Variants in PITPNA observed in about 807,000 individuals in gnomAD.
PITPNA encodes phosphatidylinositol transfer protein alpha.
In PITPNA, 13 loss-of-function variants were observed where a neutral mutation model predicts 50.3. The observed-to-expected ratio is 0.26, with a 90% CI of 0.17 to 0.41. PITPNA has a LOEUF of 0.41. PITPNA is among the 10% of genes least tolerant of loss of function. The pLI is 1.00. For missense variants in PITPNA, 207 were observed against 333.4 expected, an observed-to-expected ratio of 0.62 and a Z score of 2.95; for synonymous variants, 120 against 119.6, an observed-to-expected ratio of 1.00 and a Z score of -0.02.
At chr17:1,556,121 A>G (rs2075733743) in intron 2 of PITPNA, among the ~76,000 whole-genome samples, 1 of 152,204 alleles carries the variant, frequency 6.6e-6, no homozygotes, top group South Asian at 2.1e-4. Flanking sequence ...GGTTACTGAC[A>G]AAGACTCTGA....
intron 2 of PITPNA, 85 bp from the exon 3 acceptor site, chr17:1,553,234 G>T: frequency 1.4e-6 from 2 of 1,456,466 alleles, no homozygotes; most frequent in Non-Finnish European, 1.9e-6. Flanking sequence ...GTGTCTAACT[G>T]GATCTCCCTG....
At chr17:1,544,712 C>T (rs1020499808) in intron 4 of PITPNA, among the ~76,000 whole-genome samples, 27 of 152,318 alleles carry the variant, frequency 1.8e-4, no homozygotes, top group African/African-American at 6.0e-4. Context: ...CCAAGGCGGG[C>T]GGATCACCTG....
intron 1 of PITPNA, among the ~76,000 whole-genome samples, chr17:1,561,613 T>G (rs2075768660): frequency 6.6e-6 from 1 of 152,050 alleles, no homozygotes; most frequent in Admixed American, 6.6e-5. Context: ...TTTTCTGGCC[T>G]CCTCGCCCAA....
chr17:1,543,371 C>G (rs1485351761), intron 4 of PITPNA, among the ~76,000 whole-genome samples: 1 of 152,136 alleles, frequency 6.6e-6, no homozygotes. Flanking sequence ...CGTTCTCCGG[C>G]GCCTCCCACC....
Position 1,562,085 on chromosome 17 carries a change from A to C in PITPNA, c.20+456T>G, listed in dbSNP as rs1354318205. On this transcript the variant is annotated intron_variant, in intron 1 of 11. Transcript: ENST00000313486. The surrounding 1 kb of genome is among the most constrained non-coding windows in gnomAD (Gnocchi z 6.4). ...GCTCGGCGTCCCCTCGGCCTCCCCC[A>C]GTCCCGGGCCAGCTCTCCCTGCCCT... Among the ~76,000 whole-genome samples, 2 of 151,600 alleles carry C rather than the reference A, an allele frequency of 1.3e-5. No homozygotes were observed. Among genetic ancestry groups the C allele is most frequent in the East Asian group, 2.0e-4 (1 of 5,080 alleles).
At chr17:1,543,048 G>A (rs1387097706) in intron 4 of PITPNA, 21 bp from the exon 5 acceptor site, 1 of 1,571,258 alleles carries the variant, frequency 6.4e-7, no homozygotes, top group Admixed American at 1.7e-5. Context: ...GCAAGGACAT[G>A]GAAAGAAGAG....
chr17:1,536,525 G>A lies in PITPNA; in HGVS notation c.457-1007C>T, dbSNP rs942415410. 2.3e-4 allele frequency among the ~76,000 whole-genome samples: 35 copies of A among 151,640 alleles called. 1 individual carries two copies. The highest frequency in any genetic ancestry group is 5.9e-4 in the Admixed American group (9 of 15,204). On this transcript the variant is annotated intron_variant, in intron 7 of 11. Transcript: ENST00000313486. ...AGGATGGTCTCGATCTCCTGACCTC[G>A]TGATCCGCCCACCTTGGCCTCCCAC... is the stretch of plus-strand genomic sequence containing the variant.
At chr17:1,522,639 C>T (rs1017028316) in intron 10 of PITPNA, among the ~76,000 whole-genome samples, 1 of 152,198 alleles carries the variant, frequency 6.6e-6, no homozygotes, top group African/African-American at 2.4e-5. Context: ...TCCTGAAGTG[C>T]TTGGATTACA....
At chr17:1,560,278 G>C (rs1202698713) in intron 1 of PITPNA, among the ~76,000 whole-genome samples, 2 of 152,140 alleles carry the variant, frequency 1.3e-5, no homozygotes, top group Non-Finnish European at 2.9e-5. Context: ...CAAAGGACAG[G>C]GCCACAGAGG....
intron 4 of PITPNA, among the ~76,000 whole-genome samples, chr17:1,546,084 TGCCC>T: frequency 1.3e-5 from 2 of 152,022 alleles, no homozygotes; most frequent in East Asian, 3.9e-4. Flanking sequence ...TGCACCACCA[TGCCC>T]GGATAACTTT....
chr17:1,530,387 A>C (rs1328671197), intron 10 of PITPNA, among the ~76,000 whole-genome samples: 1 of 152,162 alleles, frequency 6.6e-6, no homozygotes, highest in Non-Finnish European at 1.5e-5. Context: ...CTGCTTTCCT[A>C]CAGGCACATA....
Position 1,519,290 on chromosome 17 carries a change from C to T in PITPNA, c.*1271G>A, listed in dbSNP as rs2075494144. ...AAGGTTTGGGGAATGTCAGGTGACACTACAGCTCTCTCTCATTCTCCCACT... is the reference window on the plus strand; with the variant it reads ...AAGGTTTGGGGAATGTCAGGTGACATTACAGCTCTCTCTCATTCTCCCACT... On this transcript the variant is annotated 3_prime_UTR_variant, in exon 12 of 12. Coordinates refer to ENST00000313486, the MANE Select transcript of PITPNA (RefSeq NM_006224.4). 1 of 152,270 alleles carries T rather than the reference C, an allele frequency of 6.6e-6. No homozygotes were observed. Among genetic ancestry groups the T allele is most frequent in the Non-Finnish European group, 1.5e-5 (1 of 68,052 alleles). The allele number at this position is 152,270 out of a possible 1,614,324, so 9.4% of individuals were successfully genotyped here. A position where few individuals can be genotyped will look rare whatever the true frequency, so the allele number is the denominator to read the frequency against.
In PITPNA at chr17:1,518,923, C is replaced by G. The variant is rs1291186670; in HGVS notation, c.*1638G>C. The G allele has an allele frequency of 6.6e-6, 1 of 152,220 alleles. No individual in the cohort carries two copies. Among genetic ancestry groups the G allele is most frequent in the Non-Finnish European group, 1.5e-5 (1 of 68,046 alleles). 9.4% of individuals were successfully genotyped at this position (152,220 alleles called of 1,614,324 possible). On this transcript the variant is annotated 3_prime_UTR_variant, in exon 12 of 12. Coordinates refer to ENST00000313486, the MANE Select transcript of PITPNA (RefSeq NM_006224.4). ...CCCAGATGCATTACTAAAGACCCCT[C>G]AAGGTGAGGAGACTTACACAGAGGA...
rs1374203654 is a variant in PITPNA at position 1,541,780 on chromosome 17, G to C, written c.298-140C>G. 5.6e-6 allele frequency: 4 copies of C among 718,462 alleles called. No homozygotes were observed. In the Admixed American group the frequency reaches 8.0e-5, roughly 14 times the overall value. 44.5% of individuals were successfully genotyped at this position (718,462 alleles called of 1,614,324 possible). A position where few individuals can be genotyped will look rare whatever the true frequency, so the allele number is the denominator to read the frequency against. The stretch of plus-strand genomic sequence containing the variant: ...TCTGCCTTGTAATAACAGTTAACTT[G>C]ACTGGGAGCCCACGACACACTAGGC... On this transcript the variant is annotated intron_variant, in intron 5 of 11. Coordinates refer to ENST00000313486, the MANE Select transcript of PITPNA (RefSeq NM_006224.4).
intron 6 of PITPNA, among the ~76,000 whole-genome samples, chr17:1,540,745 A>T (rs755831504): frequency 3.3e-5 from 5 of 151,964 alleles, no homozygotes; most frequent in Non-Finnish European, 5.9e-5. Context: ...CCCGCCATGA[A>T]GCCTGGCTGT....
rs1180326015 is a variant in PITPNA, at chr17:1,562,348, C to A, written c.20+193G>T. Among the ~76,000 whole-genome samples the A allele has an allele frequency of 6.6e-6, 1 of 151,354 alleles. No individual in the cohort carries two copies. The highest frequency in any genetic ancestry group is 6.6e-5 in the Admixed American group (1 of 15,212). On this transcript the variant is annotated intron_variant, in intron 1 of 11. Transcript: ENST00000313486. The surrounding 1 kb of genome is among the most constrained non-coding windows in gnomAD (Gnocchi z 6.4). Reference sequence around the variant, plus strand: ...CCCCTCCACGCCCCGGCCGCCCCTCCGTGCCCCGTGGGCCCCGCCTCACGT... The same window carrying A: ...CCCCTCCACGCCCCGGCCGCCCCTCAGTGCCCCGTGGGCCCCGCCTCACGT...
intron 4 of PITPNA, among the ~76,000 whole-genome samples, chr17:1,545,362 G>C (rs1332670579): frequency 6.6e-6 from 1 of 152,232 alleles, no homozygotes; most frequent in African/African-American, 2.4e-5. Context: ...GCCAAGCTAA[G>C]ATGTCTGAAC....
chr17:1,545,707 GA>G (rs1318052591), intron 4 of PITPNA, among the ~76,000 whole-genome samples: 2 of 152,092 alleles, frequency 1.3e-5, no homozygotes, highest in Non-Finnish European at 1.5e-5. Context: ...TTAACGTGCA[GA>G]AAAATGCCCA....
chr17:1,562,483 C>A lies in PITPNA; in HGVS notation c.20+58G>T. Reference sequence around the variant, plus strand: ...CTGCGTCCCTCGCCGCGCCGTCGCCCCGGCGGCCGTCCCCACCCTCCCTCC... The same window carrying A: ...CTGCGTCCCTCGCCGCGCCGTCGCCACGGCGGCCGTCCCCACCCTCCCTCC... On this transcript the variant is annotated intron_variant, in intron 1 of 11. Coordinates refer to ENST00000313486, the MANE Select transcript of PITPNA (RefSeq NM_006224.4). This position sits in a 1 kb window ranked among gnomAD's most constrained non-coding sequence, Gnocchi z 6.4. The A allele has an allele frequency of 7.4e-7, 1 of 1,356,026 alleles. No homozygotes were observed. The highest frequency in any genetic ancestry group is 1.5e-5 in the South Asian group (1 of 66,650). 84.0% of individuals were successfully genotyped at this position (1,356,026 alleles called of 1,614,324 possible).
Sources: allele counts gnomAD v4.1 joint callset (sites outside exome capture counted in the v4.1 genomes callset), GRCh38; gene constraint gnomAD v4.1.1; non-coding constraint Gnocchi (gnomAD v3.1); transcripts MANE v1.5; gene names NCBI Gene and HGNC (gene_info 2026-07-23, HGNC 2026-07-21).